Variants in CADPS2 observed in about 807,000 individuals in gnomAD.
CADPS2 encodes the protein calcium dependent secretion activator 2.
In CADPS2, 93 loss-of-function variants were observed where a neutral mutation model predicts 172.5. The ratio of observed to expected loss-of-function variants is 0.54; its 90% CI spans 0.46 to 0.64. The LOEUF (loss-of-function observed/expected upper bound fraction) is 0.64, where lower values mean the gene tolerates loss of function less well. Among genes scored for constraint, CADPS2 ranks in the 30% least tolerant of loss-of-function variants. The pLI is 0.00. For synonymous variants in CADPS2, 546 were observed against 555.2 expected, an observed-to-expected ratio of 0.98 and a Z score of 0.23; for missense variants, 1,420 against 1,565.9, an observed-to-expected ratio of 0.91 and a Z score of 1.57.
chr7:122,408,177 GTTAT>G (rs2046882474), intron 19 of CADPS2, among the ~76,000 whole-genome samples: 1 of 142,514 alleles, frequency 7.0e-6, no homozygotes, highest in Non-Finnish European at 1.5e-5. Context: ...AGGATATACT[GTTAT>G]TTTTTTTTTT....
chr7:122,658,612 A>G (rs923751225), intron 3 of CADPS2, among the ~76,000 whole-genome samples: 8 of 152,208 alleles, frequency 5.3e-5, no homozygotes, highest in Non-Finnish European at 1.2e-4. Context: ...GGAAACCATC[A>G]TTCTCAGCAA....
intron 14 of CADPS2, among the ~76,000 whole-genome samples, chr7:122,465,452 C>T (rs968359290): frequency 6.6e-6 from 1 of 152,174 alleles, no homozygotes; most frequent in Non-Finnish European, 1.5e-5. Flanking sequence ...CTGGGCCATA[C>T]AGCAGGAGGT....
chr7:122,810,969 T>C (rs1799899027), intron 1 of CADPS2, among the ~76,000 whole-genome samples: 1 of 152,212 alleles, frequency 6.6e-6, no homozygotes. Context: ...GTGTTAGATG[T>C]TGGCAACTAA....
At chr7:122,776,354 C>A (rs2093882400) in intron 1 of CADPS2, among the ~76,000 whole-genome samples, 1 of 152,112 alleles carries the variant, frequency 6.6e-6, no homozygotes, top group African/African-American at 2.4e-5. Flanking sequence ...GGCTCCACAG[C>A]CATGAGGAAC....
intron 1 of CADPS2, among the ~76,000 whole-genome samples, chr7:122,840,868 G>A (rs1468939746): frequency 6.6e-6 from 1 of 152,076 alleles, no homozygotes; most frequent in African/African-American, 2.4e-5. Context: ...TATTAACAAT[G>A]TTTAGTAAAG....
chr7:122,432,091 C>T (rs773969915), intron 17 of CADPS2, among the ~76,000 whole-genome samples: 13 of 151,520 alleles, frequency 8.6e-5, no homozygotes, highest in Non-Finnish European at 1.2e-4. Context: ...GCTTTTGTGA[C>T]GCAGCTGAGG....
chr7:122,401,043 G>A (rs77800733), intron 20 of CADPS2, among the ~76,000 whole-genome samples: 2,617 of 152,000 alleles, frequency 0.017, 81 homozygotes, highest in African/African-American at 0.06. Flanking sequence ...AGTCACTCTG[G>A]GCTCTATTAT....
chr7:122,475,278 C>T (rs992267690), intron 12 of CADPS2, among the ~76,000 whole-genome samples: 1 of 152,180 alleles, frequency 6.6e-6, no homozygotes, highest in African/African-American at 2.4e-5. Context: ...AAAAGCCACA[C>T]ACTACCCCAA....
intron 28 of CADPS2, among the ~76,000 whole-genome samples, chr7:122,342,430 G>A (rs891031516): frequency 6.6e-6 from 1 of 152,130 alleles, no homozygotes; most frequent in Non-Finnish European, 1.5e-5. Context: ...TGATCAAAAA[G>A]TTATAGAGGT....
At chr7:122,411,723 C>A (rs1047749878) in intron 19 of CADPS2, among the ~76,000 whole-genome samples, 1 of 152,012 alleles carries the variant, frequency 6.6e-6, no homozygotes, top group African/African-American at 2.4e-5. Context: ...TCTATAGTAT[C>A]CCCTGCCCCT....
intron 1 of CADPS2, among the ~76,000 whole-genome samples, chr7:122,864,716 A>G (rs1471332259): frequency 1.3e-5 from 2 of 152,206 alleles, no homozygotes; most frequent in Non-Finnish European, 2.9e-5. Context: ...TTACAAAGAG[A>G]TATGTATACT....
Position 122,663,451 on chromosome 7 carries a change from A to T in CADPS2, c.572T>A (p.Ile191Lys). 6.2e-7 allele frequency: 1 copy of T among 1,613,834 alleles called. No individual in the cohort carries two copies. Among genetic ancestry groups the T allele is most frequent in the African/African-American group, 1.3e-5 (1 of 74,992 alleles). The change falls in exon 3 of 30, where the codon ATA becomes AAA. Residue 191 changes from isoleucine to lysine, a missense_variant. Coordinates refer to ENST00000449022, the MANE Select transcript of CADPS2 (RefSeq NM_017954.11). ...CACTGTCTCTTTGCTCAAGCCATCT[A>T]TTTCTGGCAAACTCCGCACACGTTT... ...IEKRVRSLPE[I>K]DGLSKETVLS...
chr7:122,557,200 A>T (rs554073747), intron 7 of CADPS2, among the ~76,000 whole-genome samples: 1 of 152,252 alleles, frequency 6.6e-6, no homozygotes, highest in South Asian at 2.1e-4. Context: ...CAGGCTCCCA[A>T]ATTGCACAAG....
intron 2 of CADPS2, among the ~76,000 whole-genome samples, chr7:122,667,121 A>T (rs1302442052): frequency 2.6e-5 from 4 of 152,240 alleles, no homozygotes; most frequent in Non-Finnish European, 4.4e-5. Context: ...CTGTCTTCAC[A>T]GTGCACTCTA....
intron 3 of CADPS2, among the ~76,000 whole-genome samples, chr7:122,655,662 G>A (rs2079662789): frequency 6.6e-6 from 1 of 151,944 alleles, no homozygotes; most frequent in African/African-American, 2.4e-5. Flanking sequence ...CAGTGGTCTG[G>A]AACTGGACCC....
chr7:122,813,065 C>A (rs1031701284), intron 1 of CADPS2, among the ~76,000 whole-genome samples: 7 of 152,118 alleles, frequency 4.6e-5, no homozygotes, highest in African/African-American at 1.7e-4. Flanking sequence ...GAGGCCCTAT[C>A]ACTTTCCATT....
At position 122,397,928 on chromosome 7, in the gene CADPS2, C is replaced by T. The variant is rs144100345; in HGVS notation, c.2747-4346G>A. ...TACCGCCTGAGGGGAAAGCCAGCACCTATTTTTCAGATAAAAAAATAACTT... is the reference window on the plus strand; with the variant it reads ...TACCGCCTGAGGGGAAAGCCAGCACTTATTTTTCAGATAAAAAAATAACTT... On this transcript the variant is annotated intron_variant, in intron 20 of 29. Coordinates refer to ENST00000449022, the MANE Select transcript of CADPS2 (RefSeq NM_017954.11). Among the ~76,000 whole-genome samples the T allele has an allele frequency of 7.2e-3, 1,089 of 152,244 alleles. 6 individuals are homozygous for T. The highest frequency in any genetic ancestry group is 0.024 in the Middle Eastern group (7 of 294).
In CADPS2 at chr7:122,474,495, A is replaced by G. The variant is rs778967583; in HGVS notation, c.1884T>C (p.His628=). ...SGKDADRFQK[H]GMDEFISANP... ...TTGCAGAAATAAACTCATCCATACC[A>G]TGTTTCTGAAAACGATCTGCATCTG... is the stretch of plus-strand genomic sequence containing the variant. Residue 628 remains histidine (H), a synonymous_variant, in exon 13 of 30, where the codon CAT becomes CAC. Transcript: ENST00000449022. The G allele has an allele frequency of 1.9e-6, 3 of 1,612,982 alleles. No individual in the cohort carries two copies. The highest frequency in any genetic ancestry group is 2.2e-5 in the South Asian group (2 of 91,048).
At chr7:122,439,415 G>A (rs1357749919) in intron 16 of CADPS2, 6 of 152,028 alleles carry the variant, frequency 3.9e-5, no homozygotes, top group Admixed American at 2.0e-4. Context: ...CAATGCTTTC[G>A]TAAGTGCTCT....
Sources: gnomAD v4.1 joint callset for allele counts (sites outside exome capture counted in the v4.1 genomes callset) on GRCh38, gnomAD v4.1.1 for gene constraint, MANE v1.5 for transcripts, NCBI Gene and HGNC (gene_info 2026-07-23, HGNC 2026-07-21) for gene names.